FRMD4A: variants seen among roughly 807,000 people sequenced by gnomAD.
FRMD4A encodes FERM domain-containing protein 4A.
A neutral mutation model predicts 129.1 loss-of-function variants in FRMD4A; 29 were observed. The observed-to-expected ratio is 0.22, with a 90% CI of 0.17 to 0.31. The LOEUF (loss-of-function observed/expected upper bound fraction) is 0.31. Ranked by LOEUF, FRMD4A falls within the 10% of genes least tolerant of loss-of-function variation. The pLI is 1.00. For missense variants in FRMD4A, 1,272 were observed against 1,375.8 expected (o/e 0.92, Z 1.19); for synonymous variants, 634 against 571.6 (o/e 1.11, Z -1.56).
chr10:13,891,546 A>C (rs2094696775), intron 2 of FRMD4A: 1 of 943,166 alleles, frequency 1.1e-6, no homozygotes, highest in African/African-American at 1.8e-5. Flanking sequence ...TCCCCGGCCC[A>C]GCGTGAAAAC....
chr10:14,295,561 T>C (rs938425910), intron 2 of FRMD4A, among the ~76,000 whole-genome samples: 3 of 152,144 alleles, frequency 2.0e-5, no homozygotes, highest in Admixed American at 6.5e-5. Context: ...TTGTGGCAGA[T>C]CCATTAGAGT....
chr10:14,111,522 T>C (rs1300089609), intron 2 of FRMD4A, among the ~76,000 whole-genome samples: 1 of 152,176 alleles, frequency 6.6e-6, no homozygotes, highest in Non-Finnish European at 1.5e-5. Flanking sequence ...ATAGCTAAGC[T>C]TGCAGCACTA....
intron 18 of FRMD4A, among the ~76,000 whole-genome samples, chr10:13,665,177 T>C (rs1043224721): frequency 2.0e-5 from 3 of 152,130 alleles, no homozygotes; most frequent in African/African-American, 7.2e-5. Context: ...CAGCCCCAGC[T>C]TAACTATTTT....
At chr10:13,738,513 A>G (rs964861041) in intron 11 of FRMD4A, among the ~76,000 whole-genome samples, 8 of 152,190 alleles carry the variant, frequency 5.3e-5, no homozygotes, top group African/African-American at 1.9e-4. Flanking sequence ...TGCTCACCCA[A>G]GATGACAGCT....
At chr10:13,803,642 AT>A (rs759977870) in intron 4 of FRMD4A, among the ~76,000 whole-genome samples, 246 of 9,350 alleles carry the variant, frequency 0.026, 1 homozygote, top group Non-Finnish European at 0.049. Context: ...CCAGCCCCCA[AT>A]TTTCTTTTCT....
chr10:14,126,182 T>G (rs1390072465), intron 2 of FRMD4A, among the ~76,000 whole-genome samples: 2 of 150,382 alleles, frequency 1.3e-5, no homozygotes, highest in Non-Finnish European at 3.0e-5. Flanking sequence ...TTTTTTTTTT[T>G]TTTTTTGAGA....
intron 2 of FRMD4A, among the ~76,000 whole-genome samples, chr10:14,132,196 G>A (rs981586685): frequency 4.6e-5 from 7 of 152,148 alleles, no homozygotes; most frequent in African/African-American, 1.7e-4. Flanking sequence ...GCTGAGGCAG[G>A]AGAATCGCTT....
At position 14,127,960 on chromosome 10, in the gene FRMD4A, T is replaced by TTCTC. The variant is rs1838960481; in HGVS notation, c.45+202097_45+202098insGAGA. ...TTTCTTTCTTTCTTTCTTTCTTTCT[T>TTCTC]TCTTTCTTTCTTTCTTTCCTTCTCT... On this transcript the variant is annotated intron_variant, in intron 2 of 24. Transcript: ENST00000357447. 6.3e-4 allele frequency among the ~76,000 whole-genome samples: 20 copies of TTCTC among 31,948 alleles called. 1 individual carries two copies. The highest frequency in any genetic ancestry group is 3.6e-3 in the African/African-American group (19 of 5,280). The allele number at this position is 31,948 out of a possible 152,430, so 21.0% of individuals were successfully genotyped here. A position where few individuals can be genotyped will look rare whatever the true frequency, so the allele number is the denominator to read the frequency against.
intron 2 of FRMD4A, among the ~76,000 whole-genome samples, chr10:13,912,023 T>A (rs1021591616): frequency 2.0e-5 from 3 of 152,200 alleles, no homozygotes; most frequent in African/African-American, 7.2e-5. Flanking sequence ...CAGCTACAGC[T>A]TTCTTCCCTT....
At chr10:13,914,399 T>C (rs192530440) in intron 2 of FRMD4A, among the ~76,000 whole-genome samples, 1 of 152,218 alleles carries the variant, frequency 6.6e-6, no homozygotes, top group Non-Finnish European at 1.5e-5. Context: ...ACCAACACTA[T>C]GATAAATTAA....
intron 2 of FRMD4A, among the ~76,000 whole-genome samples, chr10:14,245,814 G>T (rs2132012210): frequency 6.6e-6 from 1 of 152,272 alleles, no homozygotes; most frequent in South Asian, 2.1e-4. Flanking sequence ...ATAAGTTTTT[G>T]TTGTTTAACC....
chr10:13,778,309 G>A (rs4748059), intron 6 of FRMD4A, among the ~76,000 whole-genome samples: 97,061 of 151,980 alleles, frequency 0.64, 32,952 homozygotes, highest in East Asian at 0.95. Flanking sequence ...TAATGAGAAA[G>A]TGGGGTCTTA....
chr10:13,665,995 G>A, intron 18 of FRMD4A, 102 bp downstream of exon 18: 1 of 715,956 alleles, frequency 1.4e-6, no homozygotes, highest in East Asian at 2.5e-5. Context: ...CGGACAGTTA[G>A]GCAGCTGCTC....
chr10:13,809,540 T>A (rs1437597481), intron 4 of FRMD4A, among the ~76,000 whole-genome samples: 1 of 152,166 alleles, frequency 6.6e-6, no homozygotes, highest in African/African-American at 2.4e-5. Flanking sequence ...CAGTGCTGGG[T>A]CCTTCCCCGC....
At chr10:13,946,726 G>A (rs902111783) in intron 2 of FRMD4A, among the ~76,000 whole-genome samples, 2 of 152,168 alleles carry the variant, frequency 1.3e-5, no homozygotes, top group Non-Finnish European at 2.9e-5. Flanking sequence ...AGCCTATAAA[G>A]GTTGTAAAGA....
intron 2 of FRMD4A, among the ~76,000 whole-genome samples, chr10:14,223,048 C>A (rs895221476): frequency 6.6e-6 from 1 of 152,218 alleles, no homozygotes; most frequent in Admixed American, 6.5e-5. Context: ...GATTGCACCA[C>A]TGCACTCCAG....
At chr10:14,141,939 A>G (rs544679155) in intron 2 of FRMD4A, among the ~76,000 whole-genome samples, 17 of 152,268 alleles carry the variant, frequency 1.1e-4, no homozygotes, top group African/African-American at 3.9e-4. Flanking sequence ...CGATAGCCTA[A>G]AAAATCTCGT....
intron 2 of FRMD4A, among the ~76,000 whole-genome samples, chr10:14,077,901 C>T (rs1365904999): frequency 2.6e-5 from 4 of 152,152 alleles, no homozygotes; most frequent in African/African-American, 9.7e-5. Context: ...ATGTGTGTTA[C>T]ATGGCAAGCA....
chr10:13,879,138 A>G (rs562595019), intron 2 of FRMD4A, among the ~76,000 whole-genome samples: 1 of 152,270 alleles, frequency 6.6e-6, no homozygotes, highest in South Asian at 2.1e-4. Flanking sequence ...ATCTATTTAA[A>G]TATGAGATTT....
Sources: allele counts gnomAD v4.1 joint callset (sites outside exome capture counted in the v4.1 genomes callset), GRCh38; gene constraint gnomAD v4.1.1; transcripts MANE v1.5; gene names NCBI Gene and HGNC (gene_info 2026-07-23, HGNC 2026-07-21).